Variants in CEP164 observed in about 807,000 individuals in gnomAD.
CEP164 encodes centrosomal protein 164, also known as centrosomal protein of 164 kDa.
A neutral mutation model predicts 182.7 loss-of-function variants in CEP164; 162 were observed. The observed-to-expected ratio is 0.89, with a 90% CI of 0.78 to 1.01. CEP164 has a LOEUF of 1.01. CEP164 is among the 50% of genes least tolerant of loss of function. The pLI is 0.00. For missense variants in CEP164, 1,735 were observed against 1,790.4 expected, an observed-to-expected ratio of 0.97 and a Z score of 0.56; for synonymous variants, 661 against 690.0, an observed-to-expected ratio of 0.96 and a Z score of 0.66.
In CEP164 at chr11:117,412,209, AC is replaced by A; in HGVS notation, c.*44del. ...CTTGGGGCAGCCCAGCCTCTCCTCC[AC>A]CCAGACCAAGTGCCTGAGGAGCTGC... On this transcript the variant is annotated 3_prime_UTR_variant, in exon 33 of 33. Transcript: ENST00000278935. The A allele has an allele frequency of 6.4e-7, 1 of 1,558,596 alleles. No individual in the cohort carries two copies. The highest frequency in any genetic ancestry group is 8.8e-7 in the Non-Finnish European group (1 of 1,139,496).
intron 3 of CEP164, 150 bp from the exon 4 acceptor site, chr11:117,344,016 G>T: frequency 1.7e-6 from 1 of 583,024 alleles, no homozygotes; most frequent in Non-Finnish European, 3.1e-6. Context: ...TTTGTAAATT[G>T]TAAGGAAACA....
At position 117,411,134 on chromosome 11, in the gene CEP164, G is replaced by T; in HGVS notation, c.4163+240G>T. 1 of 492,214 alleles carries T rather than the reference G, an allele frequency of 2.0e-6. No individual in the cohort carries two copies. Among genetic ancestry groups the T allele is most frequent in the Admixed American group, 3.2e-5 (1 of 31,094 alleles). The allele number at this position is 492,214 out of a possible 1,614,324, so 30.5% of individuals were successfully genotyped here. A position where few individuals can be genotyped will look rare whatever the true frequency, so the allele number is the denominator to read the frequency against. ...AGTGGGGAAGGGCTGGGCTTACCCT[G>T]CCAACCCCCTGAGGAAGCTGCCCTC... On this transcript the variant is annotated intron_variant, in intron 31 of 32. Transcript: ENST00000278935. The surrounding 1 kb of genome is among the most constrained non-coding windows in gnomAD (Gnocchi z 4.4).
At chr11:117,408,077 C>A (rs779467505) in intron 28 of CEP164, 45 bp downstream of exon 28, 27 of 1,425,770 alleles carry the variant, frequency 1.9e-5, no homozygotes. Context: ...TGGCCTTCCT[C>A]TTCTGTTCTT....
In CEP164 at chr11:117,358,798, G is replaced by A. The variant is rs180872036; in HGVS notation, c.394-3037G>A. ...GATCCTCCTGCCTTGGCTTCCGAAA[G>A]TACTGGGGTTATAGGTGTCAGGGAC... On this transcript the variant is annotated intron_variant, in intron 5 of 32. Transcript: ENST00000278935. Among the ~76,000 whole-genome samples the A allele has an allele frequency of 3.0e-3, 450 of 152,186 alleles. 4 individuals carry two copies. In the Middle Eastern group the frequency reaches 0.034, roughly 12 times the overall value.
chr11:117,397,275 A>G lies in CEP164; in HGVS notation c.3463A>G (p.Ile1155Val), dbSNP rs948143255. 4 of 1,613,780 alleles carry G rather than the reference A, an allele frequency of 2.5e-6. No individual in the cohort carries two copies. In the African/African-American group the frequency reaches 5.3e-5, roughly 22 times the overall value. Reference protein sequence around the residue: ...AQEVAKDPPGIKALEDMRKNL... With the variant: ...AQEVAKDPPGVKALEDMRKNL... ...GGAGGTGGCCAAAGACCCACCAGGC[A>G]TCAAGGCCCTGGAAGATATGCGCAA... Residue 1155 changes from isoleucine (I) to valine (V), a missense_variant, in exon 27 of 33, where the codon ATC (isoleucine) becomes GTC (valine). Coordinates refer to ENST00000278935, the MANE Select transcript of CEP164 (RefSeq NM_014956.5).
At chr11:117,335,032 C>T (rs912815393) in intron 1 of CEP164, among the ~76,000 whole-genome samples, 3 of 152,150 alleles carry the variant, frequency 2.0e-5, no homozygotes, top group African/African-American at 4.8e-5. Flanking sequence ...CCTCCCTGCC[C>T]GTGGATCCTT....
rs1431719613 is a variant in CEP164 at position 117,411,763 on chromosome 11, TC to T, written c.4164-28del. 1.1e-5 allele frequency: 18 copies of T among 1,613,250 alleles called. No homozygotes were observed. Among genetic ancestry groups the T allele is most frequent in the Non-Finnish European group, 1.4e-5 (17 of 1,179,638 alleles). On this transcript the variant is annotated intron_variant, in intron 31 of 32. Coordinates refer to ENST00000278935, the MANE Select transcript of CEP164 (RefSeq NM_014956.5). The surrounding 1 kb of genome is among the most constrained non-coding windows in gnomAD (Gnocchi z 4.4). Reference sequence around the variant, plus strand: ...CTCTGTCACTTCCGCGCCTCCTCTCTCCCCTCGCCATGCTCTCCTCTTCCTT... The same window carrying T: ...CTCTGTCACTTCCGCGCCTCCTCTCTCCCTCGCCATGCTCTCCTCTTCCTT...
chr11:117,352,680 A>C (rs762583730), intron 5 of CEP164, among the ~76,000 whole-genome samples: 8 of 152,126 alleles, frequency 5.3e-5, no homozygotes, highest in Non-Finnish European at 7.4e-5. Flanking sequence ...ACTGCCTTTC[A>C]GGCTCAAGCA....
Position 117,344,251 on chromosome 11 carries a change from C to G in CEP164, c.168C>G (p.Ala56=), listed in dbSNP as rs757769665. ...LMWLAREGIV[A]PLPGEWKPCQ... is the part of the protein sequence containing the mutation. ...GGCTGGCGCGAGAGGGCATCGTGGC[C>G]CCACTGCCTGGAGAGTGGAAACCAT... The change falls in exon 4 of 33, where the codon GCC becomes GCG. Residue 56 remains alanine, a synonymous_variant. Transcript: ENST00000278935. The G allele has an allele frequency of 6.2e-7, 1 of 1,613,128 alleles. No individual in the cohort carries two copies. The highest frequency in any genetic ancestry group is 8.5e-7 in the Non-Finnish European group (1 of 1,179,580).
chr11:117,363,559 GT>G (rs1312969648), intron 8 of CEP164, 53 bp downstream of exon 8: 4 of 1,295,770 alleles, frequency 3.1e-6, no homozygotes, highest in African/African-American at 1.5e-5. Context: ...TATCCCTCCT[GT>G]TTTTATTAAG....
At chr11:117,376,704 A>ATTAT (rs1280802355) in intron 11 of CEP164, among the ~76,000 whole-genome samples, 1 of 152,216 alleles carries the variant, frequency 6.6e-6, no homozygotes, top group Non-Finnish European at 1.5e-5. Context: ...TGTTCCTCTC[A>ATTAT]GCTCTGGCTG....
chr11:117,326,353 C>T (rs1276229206), upstream of CEP164, among the ~76,000 whole-genome samples: 1 of 152,172 alleles, frequency 6.6e-6, no homozygotes, highest in Non-Finnish European at 1.5e-5. Context: ...CTGCCTCAGC[C>T]TCCTGAGCAG....
chr11:117,334,520 T>C (rs903389190), intron 1 of CEP164, among the ~76,000 whole-genome samples: 3 of 152,238 alleles, frequency 2.0e-5, no homozygotes, highest in South Asian at 2.1e-4. Context: ...GTGCGGTGGC[T>C]CCTGCCTGTA....
chr11:117,409,009 G>T lies in CEP164; in HGVS notation c.3729G>T (p.Glu1243Asp). Residue 1243 changes from glutamate to aspartate, a missense_variant, in exon 29 of 33, where the codon GAG becomes GAT. Transcript: ENST00000278935. The surrounding 1 kb of genome is among the most constrained non-coding windows in gnomAD (Gnocchi z 4.4). ...SSESFSPPHR[E>D]WWRQQRIDST... ...AATCTTTTTCCCCGCCTCACCGTGA[G>T]TGGTGGCGGCAGCAGAGGAGTGAGT... 1 of 1,614,112 alleles carries T rather than the reference G, an allele frequency of 6.2e-7. No homozygotes were observed. The highest frequency in any genetic ancestry group is 2.2e-5 in the East Asian group (1 of 44,868).
Position 117,362,123 on chromosome 11 carries a change from G to A in CEP164, c.552+130G>A. ...AGTCCTCAGAGTTCGTAATCCAGTT[G>A]GGAAAATGTAATTCGCACCTGTATG... On this transcript the variant is annotated intron_variant, in intron 6 of 32. Coordinates refer to ENST00000278935, the MANE Select transcript of CEP164 (RefSeq NM_014956.5). 3 of 947,194 alleles carry A rather than the reference G, an allele frequency of 3.2e-6. No homozygotes were observed. The East Asian group carries it at 7.7e-5, about 24-fold the overall frequency. The allele number at this position is 947,194 out of a possible 1,614,324, so 58.7% of individuals were successfully genotyped here. A position where few individuals can be genotyped will look rare whatever the true frequency, so the allele number is the denominator to read the frequency against.
intron 5 of CEP164, among the ~76,000 whole-genome samples, chr11:117,360,075 T>C (rs2040757484): frequency 6.6e-6 from 1 of 152,210 alleles, no homozygotes; most frequent in African/African-American, 2.4e-5. Context: ...ACCTTCCTCA[T>C]CAGTGGAGAG....
intron 13 of CEP164, 103 bp from the exon 14 acceptor site, chr11:117,382,693 C>A: frequency 7.3e-7 from 1 of 1,374,506 alleles, no homozygotes; most frequent in Non-Finnish European, 9.9e-7. Context: ...GTTGGGCTGT[C>A]TCTCTTGTCT....
At chr11:117,352,546 G>T (rs185806740) in intron 5 of CEP164, among the ~76,000 whole-genome samples, 2 of 152,318 alleles carry the variant, frequency 1.3e-5, no homozygotes, top group East Asian at 3.9e-4. Context: ...AGTGTCTTCA[G>T]TGAGTGGTGG....
chr11:117,363,127 A>G (rs2041193914), intron 7 of CEP164, among the ~76,000 whole-genome samples: 1 of 152,366 alleles, frequency 6.6e-6, no homozygotes. Flanking sequence ...TAAAAAAGCA[A>G]GAAGTTTTTT....
Sources: gnomAD v4.1 joint callset for allele counts (sites outside exome capture counted in the v4.1 genomes callset) on GRCh38, gnomAD v4.1.1 for gene constraint, Gnocchi (gnomAD v3.1) non-coding constraint, MANE v1.5 for transcripts, NCBI Gene and HGNC (gene_info 2026-07-23, HGNC 2026-07-21) for gene names.